The following SNURF variants were observed in gnomAD, a reference collection of about 807,000 sequenced individuals.
The protein encoded by SNURF is SNURF protein.
Under a neutral mutation model 11.6 loss-of-function variants are expected in SNURF, and 6 were observed. The observed-to-expected ratio is 0.52, with a 90% CI of 0.28 to 1.02. The LOEUF is 1.02. Ranked by LOEUF, SNURF falls within the 50% of genes least tolerant of loss-of-function variation. SNURF has a pLI of 0.09. For synonymous variants in SNURF, 29 were observed against 31.6 expected (o/e 0.92, Z 0.27); for missense variants, 84 against 88.4 (o/e 0.95, Z 0.20).
At chr15:24,955,017 A>T in exon 1 of SNURF, 1 of 1,612,394 alleles carries the variant, frequency 6.2e-7, no homozygotes, top group Non-Finnish European at 8.5e-7. Flanking sequence ...GAGATGCCTG[A>T]CGCATCTGTC....
chr15:24,956,354 C>CGGTGG (rs66513284), intron 1 of SNURF, among the ~76,000 whole-genome samples: 1 of 138,158 alleles, frequency 7.2e-6, no homozygotes, highest in African/African-American at 2.7e-5. Flanking sequence ...AGCGCTTCAG[C>CGGTGG]GGGGGGGTGG....
At chr15:24,971,405 G>A (rs958916165), downstream of SNURF, among the ~76,000 whole-genome samples, 13 of 152,224 alleles carry the variant, frequency 8.5e-5, 1 homozygote, top group Middle Eastern at 6.8e-3. Context: ...ATCACATTTA[G>A]GGATGAGAGA....
chr15:24,974,239 T>C (rs1203315769), intron 3 of SNURF: 9 of 581,754 alleles, frequency 1.5e-5, no homozygotes, highest in Non-Finnish European at 2.8e-5. Context: ...ATAGTGATTT[T>C]CATGCAAAAT....
Position 24,956,408 on chromosome 15 carries a change from G to T in SNURF, c.14+1346G>T, listed in dbSNP as rs79160074. On this transcript the variant is annotated intron_variant, in intron 1 of 2. Coordinates refer to ENST00000577949, the Ensembl canonical transcript of SNURF. ...GCCGCCAGTGGGGAGGGGGCAGGTG[G>T]TGTGTGTTCAGCTTCTGCTGTTTCG... Among the ~76,000 whole-genome samples the T allele has an allele frequency of 1.0e-3, 153 of 152,120 alleles. 3 individuals are homozygous for T. The East Asian group carries it at 0.025, about 25-fold the overall frequency.
chr15:24,955,016 G>C (rs898239598), exon 1 of SNURF: 1 of 1,612,432 alleles, frequency 6.2e-7, no homozygotes. Context: ...GGAGATGCCT[G>C]ACGCATCTGT....
At chr15:24,956,206 T>C (rs933093873) in intron 1 of SNURF, among the ~76,000 whole-genome samples, 3 of 152,060 alleles carry the variant, frequency 2.0e-5, no homozygotes, top group Non-Finnish European at 2.9e-5. Flanking sequence ...TGGGGGTTAC[T>C]TTTTTTTCAT....
chr15:24,961,049 ACTTT>A (rs1213135997), intron 1 of SNURF, among the ~76,000 whole-genome samples: 8 of 151,884 alleles, frequency 5.3e-5, no homozygotes, highest in Non-Finnish European at 8.8e-5. Flanking sequence ...TTATCCTTTC[ACTTT>A]CTTTAGTGTT....
chr15:24,977,004 G>A (rs1451229541), exon 6 of SNURF: 3 of 1,592,034 alleles, frequency 1.9e-6, no homozygotes, highest in Non-Finnish European at 2.6e-6. Flanking sequence ...GGCCCTGTCC[G>A]AGGAGTTGGG....
intron 1 of SNURF, among the ~76,000 whole-genome samples, chr15:24,957,214 G>A (rs2063079238): frequency 6.6e-6 from 1 of 152,152 alleles, no homozygotes; most frequent in African/African-American, 2.4e-5. Context: ...TTCCTTAAAT[G>A]GGTTGGGGGA....
intron 1 of SNURF, among the ~76,000 whole-genome samples, chr15:24,958,449 T>C (rs1348453869): frequency 6.8e-6 from 1 of 146,540 alleles, no homozygotes; most frequent in Non-Finnish European, 1.5e-5. Context: ...CTACTTAAGG[T>C]AGCCTCTCTC....
At chr15:24,965,378 A>C (rs1309293636) in intron 2 of SNURF, among the ~76,000 whole-genome samples, 1 of 152,068 alleles carries the variant, frequency 6.6e-6, no homozygotes, top group African/African-American at 2.4e-5. Context: ...TCTCTAGAAA[A>C]ATAAAAAAAT....
At chr15:24,954,989 A>G in exon 1 of SNURF, 1 of 1,609,006 alleles carries the variant, frequency 6.2e-7, no homozygotes, top group East Asian at 2.2e-5. Context: ...AGTCTGGCGC[A>G]GAGTGGAGCG....
downstream of SNURF, chr15:24,978,566 A>G: frequency 1.1e-6 from 1 of 909,072 alleles, no homozygotes; most frequent in African/African-American, 1.6e-5. Flanking sequence ...ATAAATGCAT[A>G]GAGCAATTAA....
downstream of SNURF, chr15:24,978,105 G>A: frequency 7.2e-7 from 1 of 1,385,120 alleles, no homozygotes; most frequent in South Asian, 1.2e-5. Flanking sequence ...TTGTTGTCTG[G>A]CCCATTTCTT....
intron 3 of SNURF, among the ~76,000 whole-genome samples, chr15:24,975,116 AG>A (rs2076920548): frequency 6.6e-6 from 1 of 152,200 alleles, no homozygotes. Flanking sequence ...GTCACAGAGA[AG>A]GATAATCACC....
At chr15:24,973,212 G>A (rs2076656425), downstream of SNURF, among the ~76,000 whole-genome samples, 1 of 151,842 alleles carries the variant, frequency 6.6e-6, no homozygotes, top group Non-Finnish European at 1.5e-5. Flanking sequence ...ACATTGTATT[G>A]TGAGTGTTCA....
chr15:24,963,222 G>A lies in SNURF; in HGVS notation c.110+1013G>A, dbSNP rs1015974950. 5.3e-5 allele frequency among the ~76,000 whole-genome samples: 8 copies of A among 152,198 alleles called. No individual in the cohort carries two copies. The South Asian group carries it at 6.2e-4, about 12-fold the overall frequency. The stretch of plus-strand genomic sequence containing the variant: ...ATCTACCTTATTTTACAAAGTGTGC[G>A]TGGTGTGATAACATTATTATTGTAA... On this transcript the variant is annotated intron_variant, in intron 2 of 2. Coordinates refer to ENST00000577949, the Ensembl canonical transcript of SNURF.
downstream of SNURF, among the ~76,000 whole-genome samples, chr15:24,970,435 C>G (rs557438119): frequency 1.3e-5 from 2 of 151,928 alleles, no homozygotes; most frequent in African/African-American, 4.8e-5. Flanking sequence ...AAATATTAGC[C>G]GGGTGTAGTG....
intron 6 of SNURF, chr15:24,977,151 C>A (rs375973958): frequency 2.9e-6 from 2 of 692,276 alleles, no homozygotes; most frequent in Non-Finnish European, 4.4e-6. Context: ...TTAGGAGGAA[C>A]CAAAACACAG....
Sources: allele counts gnomAD v4.1 joint callset (sites outside exome capture counted in the v4.1 genomes callset), GRCh38; gene constraint gnomAD v4.1.1; transcripts MANE v1.5; gene names NCBI Gene and HGNC (gene_info 2026-07-23, HGNC 2026-07-21).